The following DOK6 variants were observed in gnomAD, a reference collection of about 807,000 sequenced individuals.
DOK6 encodes docking protein 6, also known as downstream of tyrosine kinase 6.
Under a neutral mutation model 44.0 loss-of-function variants are expected in DOK6, and 22 were observed. The ratio of observed to expected loss-of-function variants is 0.50; its 90% confidence interval spans 0.36 to 0.71. The LOEUF (loss-of-function observed/expected upper bound fraction) is 0.71, where lower values mean the gene tolerates loss of function less well. DOK6 is among the 30% of genes least tolerant of loss of function. The pLI, the probability that DOK6 is intolerant of heterozygous loss-of-function variation, is 0.00. For synonymous variants in DOK6, 166 were observed against 145.5 expected (o/e 1.14, Z -1.01); for missense variants, 340 against 416.4 (o/e 0.82, Z 1.60).
At chr18:69,501,103 T>C (rs1981037652) in intron 1 of DOK6, among the ~76,000 whole-genome samples, 1 of 152,262 alleles carries the variant, frequency 6.6e-6, no homozygotes, top group Admixed American at 6.5e-5. Flanking sequence ...TAATTATGGT[T>C]AATAGCATTC....
At chr18:69,727,416 T>G (rs1213442860) in intron 5 of DOK6, among the ~76,000 whole-genome samples, 1 of 152,220 alleles carries the variant, frequency 6.6e-6, no homozygotes, top group Non-Finnish European at 1.5e-5. Context: ...TTTTGGCTTT[T>G]TGTGTGTGGC....
chr18:69,626,444 A>G (rs796485952), intron 3 of DOK6, among the ~76,000 whole-genome samples: 4 of 152,198 alleles, frequency 2.6e-5, no homozygotes, highest in African/African-American at 9.6e-5. Context: ...ATACATACTA[A>G]AAGTCAACCT....
intron 3 of DOK6, among the ~76,000 whole-genome samples, chr18:69,655,112 C>T (rs1239302905): frequency 6.6e-6 from 1 of 151,998 alleles, no homozygotes; most frequent in East Asian, 1.9e-4. Context: ...AGAGAAAAAC[C>T]TTCTGAAGAT....
At chr18:69,723,670 G>C (rs2144725592) in intron 5 of DOK6, among the ~76,000 whole-genome samples, 1 of 152,330 alleles carries the variant, frequency 6.6e-6, no homozygotes, top group South Asian at 2.1e-4. Context: ...TAGTGCTCCT[G>C]TGAAACCATT....
intron 3 of DOK6, among the ~76,000 whole-genome samples, chr18:69,603,684 T>G (rs980300938): frequency 7.2e-6 from 1 of 139,816 alleles, no homozygotes; most frequent in East Asian, 2.1e-4. Context: ...GGCAGGAGAA[T>G]GGCGTGAACC....
intron 1 of DOK6, among the ~76,000 whole-genome samples, chr18:69,550,740 T>G (rs555579619): frequency 6.6e-6 from 1 of 151,490 alleles, no homozygotes; most frequent in African/African-American, 2.4e-5. Flanking sequence ...GTTTCTTAAG[T>G]TTTTTTATTT....
At chr18:69,752,557 C>A (rs1043358536) in intron 6 of DOK6, among the ~76,000 whole-genome samples, 5 of 152,114 alleles carry the variant, frequency 3.3e-5, no homozygotes, top group African/African-American at 1.2e-4. Context: ...TCAGGGTCCA[C>A]TTAAGTAAAT....
chr18:69,826,197 A>G (rs928370039), intron 7 of DOK6, among the ~76,000 whole-genome samples: 3 of 152,184 alleles, frequency 2.0e-5, no homozygotes, highest in Non-Finnish European at 2.9e-5. Flanking sequence ...TCATGAGCCT[A>G]ACACTCTGCT....
At chr18:69,481,085 A>G (rs1468533967) in intron 1 of DOK6, among the ~76,000 whole-genome samples, 1 of 152,118 alleles carries the variant, frequency 6.6e-6, no homozygotes, top group African/African-American at 2.4e-5. Context: ...CAAAACCAGC[A>G]CACACCTTCT....
intron 2 of DOK6, among the ~76,000 whole-genome samples, chr18:69,573,288 G>T (rs1983161573): frequency 6.6e-6 from 1 of 151,768 alleles, no homozygotes; most frequent in Non-Finnish European, 1.5e-5. Context: ...ACAGCATGAA[G>T]AGCCCAATGA....
At chr18:69,762,512 A>C (rs944000406) in intron 7 of DOK6, among the ~76,000 whole-genome samples, 1 of 152,238 alleles carries the variant, frequency 6.6e-6, no homozygotes, top group African/African-American at 2.4e-5. Context: ...TATCATTGTC[A>C]AGTAAACTGC....
At chr18:69,614,153 T>A (rs1984227186) in intron 3 of DOK6, among the ~76,000 whole-genome samples, 1 of 152,144 alleles carries the variant, frequency 6.6e-6, no homozygotes, top group South Asian at 2.1e-4. Context: ...CCATAACGAT[T>A]TGTGTTAGGT....
chr18:69,698,438 C>T lies in DOK6; in HGVS notation c.444C>T (p.Asn148=). The part of the protein sequence containing the change: ...RFNVYLMPTP[N]LDIYGECTMQ... ...ACGTGTATCTTATGCCTACACCAAA[C>T]CTGGATATTTATGGTGAATGCACAA... Residue 148 remains asparagine (N), a synonymous_variant, in exon 5 of 8, where the codon AAC becomes AAT. Transcript: ENST00000382713. 1.2e-6 allele frequency: 2 copies of T among 1,613,524 alleles called. No individual in the cohort carries two copies. Among genetic ancestry groups the T allele is most frequent in the Non-Finnish European group, 1.7e-6 (2 of 1,179,686 alleles).
rs570097598 is a variant in DOK6, at chr18:69,478,800, C to T, written c.66+77490C>T. ...ATTGGTACATTACTGTTAACTAAAC[C>T]CCACACTTTATTTGGATATCATGGG... On this transcript the variant is annotated intron_variant, in intron 1 of 7. Transcript: ENST00000382713. Among the ~76,000 whole-genome samples, 9 of 152,132 alleles carry T rather than the reference C, an allele frequency of 5.9e-5. No homozygotes were observed. In the South Asian group the frequency reaches 1.9e-3, roughly 32 times the overall value.
At chr18:69,597,270 A>G (rs1423603401) in intron 2 of DOK6, among the ~76,000 whole-genome samples, 2 of 152,198 alleles carry the variant, frequency 1.3e-5, no homozygotes, top group African/African-American at 4.8e-5. Flanking sequence ...AACAATCTCT[A>G]AGGCATGTAG....
At chr18:69,432,425 C>CA (rs2122425535) in intron 1 of DOK6, among the ~76,000 whole-genome samples, 1 of 152,154 alleles carries the variant, frequency 6.6e-6, no homozygotes, top group African/African-American at 2.4e-5. Flanking sequence ...GCCTGGGAAA[C>CA]AGAGAGAGAC....
intron 3 of DOK6, among the ~76,000 whole-genome samples, chr18:69,608,141 TA>T (rs951261063): frequency 6.6e-6 from 1 of 152,238 alleles, no homozygotes; most frequent in African/African-American, 2.4e-5. Flanking sequence ...TAAATTTATT[TA>T]AAATCTTATA....
chr18:69,663,434 A>G (rs887902459), intron 3 of DOK6: 2 of 152,192 alleles, frequency 1.3e-5, no homozygotes, highest in Admixed American at 6.5e-5. Context: ...AGAAAAAAAA[A>G]AAAGAAATCA....
chr18:69,485,252 G>A (rs1361959778), intron 1 of DOK6, among the ~76,000 whole-genome samples: 2 of 152,166 alleles, frequency 1.3e-5, no homozygotes, highest in African/African-American at 4.8e-5. Context: ...AAGTGAGAGG[G>A]CATGCTGAAA....
Sources: gnomAD v4.1 joint callset for allele counts (sites outside exome capture counted in the v4.1 genomes callset) on GRCh38, gnomAD v4.1.1 for gene constraint, MANE v1.5 for transcripts, NCBI Gene and HGNC (gene_info 2026-07-23, HGNC 2026-07-21) for gene names.